Variants in PPARGC1A observed in about 807,000 individuals in gnomAD.
The protein encoded by PPARGC1A is PPARG coactivator 1 alpha.
In PPARGC1A, 25 loss-of-function variants were observed where a neutral mutation model predicts 88.7. The ratio of observed to expected loss-of-function variants is 0.28; its 90% confidence interval spans 0.21 to 0.39. The LOEUF (loss-of-function observed/expected upper bound fraction) is 0.39. Among genes scored for constraint, PPARGC1A ranks in the 10% least tolerant of loss-of-function variants. The probability of loss-of-function intolerance (pLI) is 1.00; values close to 1 mark genes in which losing one functional copy is unlikely to be tolerated. For missense variants in PPARGC1A, 880 were observed against 968.7 expected (o/e 0.91, Z 1.22); for synonymous variants, 363 against 355.6 (o/e 1.02, Z -0.24).
At chr4:24,161,894 C>G in the PPARGC1A span, among the ~76,000 whole-genome samples, 1 of 151,306 alleles carries the variant, frequency 6.6e-6, no homozygotes, top group Non-Finnish European at 1.5e-5. Context: ...CAGCACAATT[C>G]ACAACTGCAA....
chr4:24,450,323 A>C, the PPARGC1A span, among the ~76,000 whole-genome samples: 2 of 152,302 alleles, frequency 1.3e-5, no homozygotes, highest in East Asian at 3.9e-4. Flanking sequence ...TTGTATTCAC[A>C]TGTACGAACT....
the PPARGC1A span, among the ~76,000 whole-genome samples, chr4:24,038,077 T>G: frequency 6.6e-6 from 1 of 152,192 alleles, no homozygotes; most frequent in African/African-American, 2.4e-5. Flanking sequence ...CAGAATAGAA[T>G]GGATTTCAGC....
At chr4:23,870,665 G>C (rs1713113742) in intron 2 of PPARGC1A, among the ~76,000 whole-genome samples, 1 of 152,046 alleles carries the variant, frequency 6.6e-6, no homozygotes, top group Non-Finnish European at 1.5e-5. Flanking sequence ...AGTGTATCTG[G>C]GAATAAAATG....
chr4:24,446,293 T>C, the PPARGC1A span, among the ~76,000 whole-genome samples: 1 of 152,222 alleles, frequency 6.6e-6, no homozygotes, highest in Non-Finnish European at 1.5e-5. Context: ...TGAGGTGGTA[T>C]CTCATTGTTT....
the PPARGC1A span, among the ~76,000 whole-genome samples, chr4:23,988,182 A>G: frequency 1.3e-5 from 2 of 152,060 alleles, no homozygotes; most frequent in African/African-American, 4.8e-5. Context: ...TATCCAGTCT[A>G]TCACTGATGG....
chr4:24,440,465 C>T, the PPARGC1A span, among the ~76,000 whole-genome samples: 1 of 152,108 alleles, frequency 6.6e-6, no homozygotes, highest in African/African-American at 2.4e-5. Flanking sequence ...GAAACTGACA[C>T]ATGCCTCCCA....
At chr4:24,014,303 A>T in the PPARGC1A span, among the ~76,000 whole-genome samples, 1 of 152,144 alleles carries the variant, frequency 6.6e-6, no homozygotes, top group Admixed American at 6.5e-5. Context: ...TTATTGGTGG[A>T]GGTGGATGGA....
chr4:23,889,926 T>C lies in PPARGC1A; in HGVS notation c.32A>G (p.Glu11Gly), dbSNP rs372189559. The C allele has an allele frequency of 7.7e-5, 124 of 1,613,614 alleles. No homozygotes were observed. The highest frequency in any genetic ancestry group is 9.9e-5 in the Non-Finnish European group (117 of 1,179,786). MAWDMCNQDSESVWSDIECAA... is the reference protein window; with the variant it reads MAWDMCNQDSGSVWSDIECAA... ...CACCTCGATGTCACTCCATACAGAC[T>C]CAGAGTCCTGGTTGCACATGTCCCA... Residue 11 changes from glutamate (E) to glycine (G), a missense_variant, in exon 1 of 13, where the codon GAG becomes GGG. Transcript: ENST00000264867.
chr4:24,258,183 C>T, the PPARGC1A span: 1 of 962,720 alleles, frequency 1.0e-6, no homozygotes, highest in Admixed American at 6.2e-5. Flanking sequence ...AATAACATGA[C>T]AATAATGTAT....
the PPARGC1A span, among the ~76,000 whole-genome samples, chr4:24,078,618 T>C: frequency 2.0e-5 from 3 of 152,052 alleles, no homozygotes; most frequent in Non-Finnish European, 2.9e-5. Context: ...GACCCGTATC[T>C]CACCTTCTAC....
At chr4:24,046,651 T>A in the PPARGC1A span, among the ~76,000 whole-genome samples, 12 of 152,304 alleles carry the variant, frequency 7.9e-5, no homozygotes, top group African/African-American at 2.9e-4. Flanking sequence ...TATGTGTTCA[T>A]CAAAACTCAT....
At chr4:24,249,794 C>T in the PPARGC1A span, among the ~76,000 whole-genome samples, 2 of 152,142 alleles carry the variant, frequency 1.3e-5, no homozygotes, top group Non-Finnish European at 2.9e-5. Context: ...TACTACGTCC[C>T]TAAGCCTCAA....
In PPARGC1A at chr4:23,795,678, ATTGTTGTTGTT is replaced by A; in HGVS notation, c.*133_*143del. The A allele has an allele frequency of 1.7e-6, 1 of 582,054 alleles. No individual in the cohort carries two copies. Among genetic ancestry groups the A allele is most frequent in the South Asian group, 2.3e-5 (1 of 44,128 alleles). 36.1% of individuals were successfully genotyped at this position (582,054 alleles called of 1,614,324 possible). A position where few individuals can be genotyped will look rare whatever the true frequency, so the allele number is the denominator to read the frequency against. The stretch of plus-strand genomic sequence containing the variant: ...TTATTGTTGTTGTTGTTCTTGTTGT[ATTGTTGTTGTT>A]TTGTTTTGTTTTTGTACAGAGAGTG... On this transcript the variant is annotated 3_prime_UTR_variant, in exon 13 of 13. Transcript: ENST00000264867.
chr4:24,356,526 G>A, the PPARGC1A span, among the ~76,000 whole-genome samples: 16 of 152,098 alleles, frequency 1.1e-4, no homozygotes, highest in Non-Finnish European at 1.5e-4. Context: ...TCAATGTGTC[G>A]GCCACACATA....
the PPARGC1A span, among the ~76,000 whole-genome samples, chr4:24,138,812 A>G: frequency 6.6e-6 from 1 of 152,316 alleles, no homozygotes; most frequent in South Asian, 2.1e-4. Flanking sequence ...TAAAGATCCT[A>G]GTGTGTGCAT....
the PPARGC1A span, among the ~76,000 whole-genome samples, chr4:24,423,052 C>CAT: frequency 6.6e-6 from 1 of 152,092 alleles, no homozygotes; most frequent in African/African-American, 2.4e-5. Context: ...TGGAAAACAC[C>CAT]ATATATATAC....
At chr4:23,995,969 A>C in the PPARGC1A span, among the ~76,000 whole-genome samples, 7 of 152,232 alleles carry the variant, frequency 4.6e-5, no homozygotes, top group Non-Finnish European at 8.8e-5. Flanking sequence ...CCTGACAGTA[A>C]GCCAAATCCA....
chr4:23,853,146 T>C (rs966426383), intron 2 of PPARGC1A, among the ~76,000 whole-genome samples: 1 of 152,152 alleles, frequency 6.6e-6, no homozygotes, highest in Non-Finnish European at 1.5e-5. Flanking sequence ...GTTTTCATTA[T>C]AGAAAGCAAA....
At chr4:24,423,018 C>G in the PPARGC1A span, among the ~76,000 whole-genome samples, 32 of 152,256 alleles carry the variant, frequency 2.1e-4, 1 homozygote, top group African/African-American at 7.2e-4. Flanking sequence ...AGATATTGAA[C>G]AGTTGTAGAG....
Sources: gnomAD v4.1 joint callset for allele counts (sites outside exome capture counted in the v4.1 genomes callset) on GRCh38, gnomAD v4.1.1 for gene constraint, MANE v1.5 for transcripts, NCBI Gene and HGNC (gene_info 2026-07-23, HGNC 2026-07-21) for gene names.